The following MTA3 variants were observed in gnomAD, a reference collection of about 807,000 sequenced individuals.
MTA3 encodes metastasis-associated protein MTA3.
In MTA3, 34 loss-of-function variants were observed where a neutral mutation model predicts 83.5. The observed-to-expected ratio is 0.41, with a 90% CI of 0.31 to 0.54. The LOEUF (loss-of-function observed/expected upper bound fraction) is 0.54. Ranked by LOEUF, MTA3 falls within the 20% of genes least tolerant of loss-of-function variation. The pLI, the probability that MTA3 is intolerant of heterozygous loss-of-function variation, is 0.33. For missense variants in MTA3, 761 were observed against 726.4 expected (o/e 1.05, Z -0.55); for synonymous variants, 303 against 252.7 (o/e 1.20, Z -1.89).
At chr2:42,574,829 G>GATTACA (rs1678872298) in intron 2 of MTA3, among the ~76,000 whole-genome samples, 1 of 152,128 alleles carries the variant, frequency 6.6e-6, no homozygotes, top group Non-Finnish European at 1.5e-5. Context: ...AAAGCACTGG[G>GATTACA]ATTACAGGCT....
chr2:42,673,165 A>G (rs912855458), intron 8 of MTA3, among the ~76,000 whole-genome samples: 1 of 151,816 alleles, frequency 6.6e-6, no homozygotes, highest in African/African-American at 2.4e-5. Flanking sequence ...GCATATGAAA[A>G]ACTTTGTCCA....
At chr2:42,714,818 G>A (rs541058084) in intron 14 of MTA3, among the ~76,000 whole-genome samples, 36 of 152,250 alleles carry the variant, frequency 2.4e-4, no homozygotes, top group African/African-American at 7.2e-4. Context: ...TAGATCCCTC[G>A]CATAGCGGTT....
chr2:42,592,282 CA>C (rs946140229), intron 3 of MTA3, among the ~76,000 whole-genome samples: 1 of 151,402 alleles, frequency 6.6e-6, no homozygotes, highest in Non-Finnish European at 1.5e-5. Context: ...CAAAACAAAA[CA>C]AAAAACCAAT....
At chr2:42,645,625 A>G (rs1015026297) in intron 6 of MTA3, among the ~76,000 whole-genome samples, 1 of 152,222 alleles carries the variant, frequency 6.6e-6, no homozygotes, top group Non-Finnish European at 1.5e-5. Flanking sequence ...TAGAATATCA[A>G]ACCACCAAGA....
intron 4 of MTA3, among the ~76,000 whole-genome samples, chr2:42,620,113 A>G (rs1573327083): frequency 6.7e-6 from 1 of 148,908 alleles, no homozygotes; most frequent in Admixed American, 6.7e-5. Context: ...TCAAGACATC[A>G]CACATCTTTT....
At chr2:42,614,843 C>T (rs1165431134) in intron 4 of MTA3, among the ~76,000 whole-genome samples, 3 of 151,732 alleles carry the variant, frequency 2.0e-5, no homozygotes, top group Non-Finnish European at 2.9e-5. Context: ...GGCATGGCAG[C>T]GTATGCCTGT....
At chr2:42,538,759 T>TG (rs1302621863) in intron 2 of MTA3, among the ~76,000 whole-genome samples, 10 of 53,480 alleles carry the variant, frequency 1.9e-4, no homozygotes, top group South Asian at 6.9e-4. Flanking sequence ...GAAAAAAATG[T>TG]TTTTTTTGTT....
intron 9 of MTA3, among the ~76,000 whole-genome samples, 186 bp from the exon 10 acceptor site, chr2:42,695,579 G>A (rs1163326078): frequency 1.5e-5 from 2 of 129,360 alleles, no homozygotes; most frequent in African/African-American, 5.9e-5. Flanking sequence ...AGGTTGCTGT[G>A]AGCTGACATC....
chr2:42,721,868 C>T lies in MTA3; in HGVS notation c.1613-1021C>T, dbSNP rs547810981. Among the ~76,000 whole-genome samples the T allele has an allele frequency of 1.4e-4, 22 of 152,124 alleles. No homozygotes were observed. In the South Asian group the frequency reaches 4.4e-3, roughly 30 times the overall value. ...TGTGGAGGTTAAATGAAATGCAAGG[C>T]TGGCAAACTTGTCATGTCATGTTGG... On this transcript the variant is annotated intron_variant, in intron 15 of 16. Transcript: ENST00000405094.
At chr2:42,560,274 G>A (rs1260372766) in intron 2 of MTA3, among the ~76,000 whole-genome samples, 3 of 151,448 alleles carry the variant, frequency 2.0e-5, no homozygotes, top group East Asian at 1.9e-4. Context: ...TGCCTGCGTC[G>A]GCCTCCCAAA....
Position 42,755,487 on chromosome 2 carries a change from G to A in MTA3, c.*2088G>A, listed in dbSNP as rs565854266. ...GAAAAGCGCAGCTTGTTCGAGCCACGTGTGCCAAGCAGGCTTTTCCTTCCT... is the reference window on the plus strand; with the variant it reads ...GAAAAGCGCAGCTTGTTCGAGCCACATGTGCCAAGCAGGCTTTTCCTTCCT... On this transcript the variant is annotated 3_prime_UTR_variant, in exon 17 of 17. Coordinates refer to ENST00000405094, the MANE Select transcript of MTA3 (RefSeq NM_001330442.2). The A allele has an allele frequency of 9.4e-5, 93 of 985,506 alleles. 1 individual carries two copies. In the East Asian group the frequency reaches 3.3e-3, roughly 35 times the overall value. 61.0% of individuals were successfully genotyped at this position (985,506 alleles called of 1,614,324 possible).
chr2:42,691,864 C>T (rs1692931426), intron 9 of MTA3, among the ~76,000 whole-genome samples: 1 of 152,122 alleles, frequency 6.6e-6, no homozygotes, highest in South Asian at 2.1e-4. Flanking sequence ...TGTAAGGTTT[C>T]CATTGAGAAG....
chr2:42,640,680 T>C (rs556431462), intron 5 of MTA3, among the ~76,000 whole-genome samples: 10 of 152,326 alleles, frequency 6.6e-5, no homozygotes, highest in Admixed American at 2.6e-4. Context: ...AAAAATATTT[T>C]TCACTAAACC....
intron 4 of MTA3, among the ~76,000 whole-genome samples, chr2:42,628,521 A>C (rs1686351527): frequency 6.6e-6 from 1 of 152,208 alleles, no homozygotes. Flanking sequence ...GGCGTGAGCC[A>C]CCAACCCAGC....
chr2:42,686,808 T>C (rs1692409697), intron 9 of MTA3, among the ~76,000 whole-genome samples: 1 of 150,402 alleles, frequency 6.6e-6, no homozygotes, highest in African/African-American at 2.4e-5. Flanking sequence ...GCCTGGGTGA[T>C]GGAGCAAGAC....
At chr2:42,561,988 G>C (rs1242327291) in intron 2 of MTA3, among the ~76,000 whole-genome samples, 1 of 152,120 alleles carries the variant, frequency 6.6e-6, no homozygotes, top group Non-Finnish European at 1.5e-5. Context: ...TGAAAGCAAG[G>C]TGTCAGTAGG....
intron 2 of MTA3, among the ~76,000 whole-genome samples, chr2:42,550,332 G>T (rs1421608064): frequency 6.6e-6 from 1 of 152,168 alleles, no homozygotes; most frequent in Non-Finnish European, 1.5e-5. Flanking sequence ...AATGTGTTCT[G>T]ACTGCTAGCA....
At chr2:42,543,961 G>A (rs750006893) in intron 2 of MTA3, among the ~76,000 whole-genome samples, 3 of 151,892 alleles carry the variant, frequency 2.0e-5, no homozygotes, top group Non-Finnish European at 4.4e-5. Context: ...GAAGATAGCC[G>A]AGCCAAGGTG....
chr2:42,557,394 G>T (rs2103791411), intron 2 of MTA3, among the ~76,000 whole-genome samples: 1 of 152,208 alleles, frequency 6.6e-6, no homozygotes, highest in African/African-American at 2.4e-5. Flanking sequence ...AGGGCTTCCA[G>T]AAGACGTACA....
Sources: allele counts gnomAD v4.1 joint callset (sites outside exome capture counted in the v4.1 genomes callset), GRCh38; gene constraint gnomAD v4.1.1; transcripts MANE v1.5; gene names NCBI Gene and HGNC (gene_info 2026-07-23, HGNC 2026-07-21).